IL6ST: variants seen among roughly 807,000 people sequenced by gnomAD.
IL6ST encodes the protein interleukin 6 cytokine family signal transducer, also known as interleukin-6 receptor subunit beta.
A neutral mutation model predicts 91.3 loss-of-function variants in IL6ST; 24 were observed. The ratio of observed to expected loss-of-function variants is 0.26; its 90% CI spans 0.19 to 0.37. The LOEUF (loss-of-function observed/expected upper bound fraction) is 0.37, where lower values mean the gene tolerates loss of function less well. Among genes scored for constraint, IL6ST ranks in the 10% least tolerant of loss-of-function variants. The pLI is 1.00. For synonymous variants in IL6ST, 351 were observed against 373.6 expected (o/e 0.94, Z 0.70); for missense variants, 914 against 1,078.5 (o/e 0.85, Z 2.14).
chr5:55,993,064 C>T (rs1053465495), intron 1 of IL6ST, among the ~76,000 whole-genome samples: 1 of 152,126 alleles, frequency 6.6e-6, no homozygotes, highest in African/African-American at 2.4e-5. Flanking sequence ...ATCAAAGAAA[C>T]GGAGAAGCTG....
intron 1 of IL6ST, among the ~76,000 whole-genome samples, chr5:55,992,234 A>G (rs945341172): frequency 6.6e-5 from 10 of 152,198 alleles, no homozygotes; most frequent in Non-Finnish European, 1.5e-4. Flanking sequence ...AGAATCTACC[A>G]TAGTTTGAGG....
chr5:55,984,789 G>GAA (rs886353862), intron 1 of IL6ST, among the ~76,000 whole-genome samples: 5 of 146,238 alleles, frequency 3.4e-5, no homozygotes, highest in Non-Finnish European at 6.0e-5. Context: ...AACACAAACT[G>GAA]AAAAAAAAAA....
rs964330102 is a variant in IL6ST, at chr5:55,940,491, G to A, written c.*591C>T. On this transcript the variant is annotated 3_prime_UTR_variant, in exon 17 of 17. Transcript: ENST00000381298. Reference sequence around the variant, plus strand: ...TCCTTTTCTCCAGTAATAACTCGCAGCATCACTACCAATGGAAGGGACCTA... The same window carrying A: ...TCCTTTTCTCCAGTAATAACTCGCAACATCACTACCAATGGAAGGGACCTA... 1.4e-5 allele frequency: 3 copies of A among 213,148 alleles called. No homozygotes were observed. Among genetic ancestry groups the A allele is most frequent in the African/African-American group, 4.5e-5 (2 of 44,424 alleles). The allele number at this position is 213,148 out of a possible 1,614,324, so 13.2% of individuals were successfully genotyped here.
At chr5:55,949,414 G>A (rs1751471021) in intron 14 of IL6ST, among the ~76,000 whole-genome samples, 1 of 152,074 alleles carries the variant, frequency 6.6e-6, no homozygotes, top group South Asian at 2.1e-4. Flanking sequence ...ATTTGAGGTT[G>A]CAGTGAGCTA....
chr5:55,964,320 C>CA lies in IL6ST; in HGVS notation c.492-9dup, dbSNP rs1752514781. On this transcript the variant is annotated splice_polypyrimidine_tract_variant and intron_variant, in intron 5 of 16. Transcript: ENST00000381298. ...GCAAACTTGTGTGTTGCCCTAAATA[C>CA]AAAAAATTGAAGAATCAGTCATTAA... The CA allele has an allele frequency of 3.1e-6, 5 of 1,590,104 alleles. No homozygotes were observed. Among genetic ancestry groups the CA allele is most frequent in the East Asian group, 2.3e-5 (1 of 43,736 alleles).
At chr5:55,961,972 A>G (rs1378672466) in intron 7 of IL6ST, among the ~76,000 whole-genome samples, 6 of 152,214 alleles carry the variant, frequency 3.9e-5, no homozygotes, top group Non-Finnish European at 7.3e-5. Context: ...GTGGACAGGC[A>G]AAAGGAAGAT....
intron 4 of IL6ST, among the ~76,000 whole-genome samples, chr5:55,969,325 G>T (rs983065698): frequency 5.3e-5 from 8 of 151,544 alleles, no homozygotes; most frequent in African/African-American, 1.5e-4. Flanking sequence ...CCTGTGGTGG[G>T]GGGGGTCTCA....
At chr5:55,983,607 A>C (rs1753789429) in intron 1 of IL6ST, among the ~76,000 whole-genome samples, 1 of 152,238 alleles carries the variant, frequency 6.6e-6, no homozygotes, top group Non-Finnish European at 1.5e-5. Context: ...TGTTTCATAC[A>C]CATTAAGCCT....
At position 55,976,288 on chromosome 5, in the gene IL6ST, A is replaced by G. The variant is rs1044866748; in HGVS notation, c.-10T>C. ...TCTGCAACGTCAACATCTTGCGCGG[A>G]TATTTCTGCAACAGACACATGTAAT... On this transcript the variant is annotated 5_prime_UTR_variant, in exon 3 of 17. Coordinates refer to ENST00000381298, the MANE Select transcript of IL6ST (RefSeq NM_002184.4). The G allele has an allele frequency of 1.9e-6, 3 of 1,570,776 alleles. No homozygotes were observed. The highest frequency in any genetic ancestry group is 2.7e-5 in the African/African-American group (2 of 73,182).
Position 55,963,363 on chromosome 5 carries a change from T to G in IL6ST, c.802A>C (p.Thr268Pro). 1 of 1,580,308 alleles carries G rather than the reference T, an allele frequency of 6.3e-7. No individual in the cohort carries two copies. Among genetic ancestry groups the G allele is most frequent in the Non-Finnish European group, 8.6e-7 (1 of 1,165,208 alleles). ...NIQYRTKDAS[T>P]WSQIPPEDTA... ...AACTTTCAATTTACCTGGCTCCAAGTTGAGGCATCTTTGGTCCTATATTGA... is the reference window on the plus strand; with the variant it reads ...AACTTTCAATTTACCTGGCTCCAAGGTGAGGCATCTTTGGTCCTATATTGA... Residue 268 changes from threonine to proline, a missense_variant, in exon 7 of 17, where the codon ACT becomes CCT. Thr to Pro is a conservative substitution (Grantham distance 38, BLOSUM62 -1). Coordinates refer to ENST00000381298, the MANE Select transcript of IL6ST (RefSeq NM_002184.4).
intron 3 of IL6ST, among the ~76,000 whole-genome samples, chr5:55,973,994 A>G (rs1477780020): frequency 2.6e-5 from 4 of 152,252 alleles, no homozygotes; most frequent in Admixed American, 2.6e-4. Context: ...TTAGGTAATA[A>G]GAAATATACA....
At chr5:55,988,085 T>A (rs1012828402) in intron 1 of IL6ST, among the ~76,000 whole-genome samples, 2 of 145,796 alleles carry the variant, frequency 1.4e-5, no homozygotes, top group Admixed American at 7.0e-5. Context: ...GAGCCGAGAA[T>A]GCACCACTGC....
At chr5:55,955,958 G>A (rs890661468) in intron 10 of IL6ST, 67 bp downstream of exon 10, 14 of 961,770 alleles carry the variant, frequency 1.5e-5, no homozygotes, top group Non-Finnish European at 2.2e-5. Flanking sequence ...TTTTTTATGG[G>A]AGCCCTGTCC....
At chr5:55,982,949 A>G in intron 1 of IL6ST, 138 bp from the exon 2 acceptor site, 1 of 388,744 alleles carries the variant, frequency 2.6e-6, no homozygotes, top group Admixed American at 4.4e-5. Context: ...TGAGCTTCAG[A>G]ATAAAATAAA....
intron 10 of IL6ST, among the ~76,000 whole-genome samples, chr5:55,955,432 G>A (rs1309773274): frequency 6.6e-6 from 1 of 152,030 alleles, no homozygotes; most frequent in Admixed American, 6.6e-5. Context: ...AGGCGACAGA[G>A]CAAGACTGTC....
intron 1 of IL6ST, among the ~76,000 whole-genome samples, chr5:55,993,392 G>A (rs542774837): frequency 2.0e-4 from 31 of 152,216 alleles, no homozygotes; most frequent in Non-Finnish European, 3.8e-4. Flanking sequence ...TTTAACTTTC[G>A]CCCTAACACT....
In IL6ST at chr5:55,983,913, TATATA is replaced by T; in HGVS notation, c.-103-1107_-103-1103del. Reference sequence around the variant, plus strand: ...CATAGTGGACATCTTCATAAGTTAATATATAGAGAGTAATTCCTTGTAGCCTTTGC... The same window carrying T: ...CATAGTGGACATCTTCATAAGTTAATGAGAGTAATTCCTTGTAGCCTTTGC... On this transcript the variant is annotated intron_variant, in intron 1 of 16. Coordinates refer to ENST00000381298, the MANE Select transcript of IL6ST (RefSeq NM_002184.4). Among the ~76,000 whole-genome samples the T allele has an allele frequency of 1.3e-5, 2 of 152,202 alleles. 1 individual carries two copies. Among genetic ancestry groups the T allele is most frequent in the South Asian group, 4.1e-4 (2 of 4,836 alleles).
intron 13 of IL6ST, 100 bp from the exon 14 acceptor site, chr5:55,951,704 T>G (rs1751645696): frequency 8.3e-7 from 1 of 1,204,350 alleles, no homozygotes; most frequent in Non-Finnish European, 1.2e-6. Context: ...AAGCGAAGTA[T>G]TTTTGTTGGA....
intron 2 of IL6ST, among the ~76,000 whole-genome samples, chr5:55,978,039 C>G (rs570722455): frequency 3.1e-4 from 47 of 152,158 alleles, no homozygotes; most frequent in Non-Finnish European, 6.5e-4. Flanking sequence ...TCACTGAATT[C>G]TGTGTCAACT....
Sources: allele counts gnomAD v4.1 joint callset (sites outside exome capture counted in the v4.1 genomes callset), GRCh38; gene constraint gnomAD v4.1.1; transcripts MANE v1.5; gene names NCBI Gene and HGNC (gene_info 2026-07-23, HGNC 2026-07-21).